The following EXPH5 variants were observed in gnomAD, a reference collection of about 807,000 sequenced individuals.
The protein encoded by EXPH5 is exophilin 5.
EXPH5 carries 42 observed loss-of-function variants against 41.1 expected under a neutral mutation model. The observed-to-expected ratio is 1.02, with a 90% CI of 0.80 to 1.32. EXPH5 has a LOEUF of 1.32. Ranked by LOEUF, EXPH5 falls within the 40% of genes most tolerant of loss-of-function variation. The probability of loss-of-function intolerance (pLI) is 0.00; values close to 1 mark genes in which losing one functional copy is unlikely to be tolerated. For synonymous variants in EXPH5, 798 were observed against 833.5 expected (o/e 0.96, Z 0.73); for missense variants, 2,298 against 2,314.5 (o/e 0.99, Z 0.15).
At chr11:108,528,728 TTTTG>T (rs1591694750) in intron 3 of EXPH5, among the ~76,000 whole-genome samples, 1 of 139,044 alleles carries the variant, frequency 7.2e-6, no homozygotes, top group East Asian at 2.1e-4. Context: ...TGAGATGGAG[TTTTG>T]CTCTTTGTCG....
In EXPH5 at chr11:108,506,051, T is replaced by C. The variant is rs1222193306; in HGVS notation, c.*3486A>G. 2 of 152,226 alleles carry C rather than the reference T, an allele frequency of 1.3e-5. No homozygotes were observed. The highest frequency in any genetic ancestry group is 2.9e-5 in the Non-Finnish European group (2 of 68,030). 9.4% of individuals were successfully genotyped at this position (152,226 alleles called of 1,614,324 possible). A position where few individuals can be genotyped will look rare whatever the true frequency, so the allele number is the denominator to read the frequency against. ...CTTTACAGTATAAAATTTATGGTTA[T>C]AGAAATCTAGTATCTAAACAAGTTT... is the stretch of plus-strand genomic sequence containing the variant. On this transcript the variant is annotated 3_prime_UTR_variant, in exon 6 of 6. Transcript: ENST00000265843.
intron 3 of EXPH5, among the ~76,000 whole-genome samples, chr11:108,532,123 A>T (rs2135996675): frequency 6.6e-6 from 1 of 150,390 alleles, no homozygotes; most frequent in Non-Finnish European, 1.5e-5. Context: ...GCCCTGTATG[A>T]TCTAGTTCCT....
In EXPH5 at chr11:108,509,489, C is replaced by T; in HGVS notation, c.*48G>A. The T allele has an allele frequency of 6.7e-7, 1 of 1,499,946 alleles. No individual in the cohort carries two copies. Among genetic ancestry groups the T allele is most frequent in the Non-Finnish European group, 8.9e-7 (1 of 1,120,288 alleles). 92.9% of individuals were successfully genotyped at this position (1,499,946 alleles called of 1,614,324 possible). On this transcript the variant is annotated 3_prime_UTR_variant, in exon 6 of 6. Coordinates refer to ENST00000265843, the MANE Select transcript of EXPH5 (RefSeq NM_015065.3). ...CACATGCACATGTACACCTTAGTTC[C>T]ATTATAAGCTTTTGGTGAAAAAAGT... is the stretch of plus-strand genomic sequence containing the variant.
At chr11:108,598,005 T>TA (rs147174512), upstream of EXPH5, among the ~76,000 whole-genome samples, 1,843 of 152,246 alleles carry the variant, frequency 0.012, 31 homozygotes, top group African/African-American at 0.041. Context: ...GCATAGAGGT[T>TA]AAAAAATAAA....
At chr11:108,549,251 C>T (rs1417679302) in intron 1 of EXPH5, among the ~76,000 whole-genome samples, 2 of 152,200 alleles carry the variant, frequency 1.3e-5, no homozygotes, top group Non-Finnish European at 2.9e-5. Context: ...CAGGTCTTTT[C>T]TTGCTAGGCC....
intron 1 of EXPH5, among the ~76,000 whole-genome samples, chr11:108,575,859 A>C (rs2094078015): frequency 6.6e-6 from 1 of 152,168 alleles, no homozygotes; most frequent in South Asian, 2.1e-4. Context: ...CTGTAGTTCC[A>C]GCTACTCGGG....
At chr11:108,541,926 G>T in intron 1 of EXPH5, 114 bp from the exon 2 acceptor site, 1 of 781,562 alleles carries the variant, frequency 1.3e-6, no homozygotes, top group Non-Finnish European at 2.0e-6. Flanking sequence ...TCACCAGGCT[G>T]GAGTGCAGTG....
At chr11:108,595,443 G>T (rs1371046199), upstream of EXPH5, among the ~76,000 whole-genome samples, 1 of 152,142 alleles carries the variant, frequency 6.6e-6, no homozygotes, top group East Asian at 1.9e-4. Context: ...TCTAGGCAAG[G>T]GGATCAGCGT....
intron 3 of EXPH5, among the ~76,000 whole-genome samples, chr11:108,529,261 G>A (rs2093820831): frequency 6.6e-6 from 1 of 152,150 alleles, no homozygotes. Flanking sequence ...TTTACTATTT[G>A]TGTTGCTTTC....
intron 1 of EXPH5, 152 bp from the exon 2 acceptor site, chr11:108,541,964 A>C: frequency 1.7e-6 from 1 of 587,536 alleles, no homozygotes; most frequent in Non-Finnish European, 2.9e-6. Context: ...TGCAACCTTC[A>C]CCTCCTGGGC....
chr11:108,594,571 A>T (rs982239155), upstream of EXPH5, among the ~76,000 whole-genome samples: 1 of 152,200 alleles, frequency 6.6e-6, no homozygotes, highest in African/African-American at 2.4e-5. Flanking sequence ...ACTTATAAAG[A>T]TATTCACATA....
At chr11:108,545,224 G>A (rs2093932263) in intron 1 of EXPH5, among the ~76,000 whole-genome samples, 1 of 152,096 alleles carries the variant, frequency 6.6e-6, no homozygotes, top group Non-Finnish European at 1.5e-5. Flanking sequence ...GACCAACCTG[G>A]GCAACATGGT....
At chr11:108,521,223 G>A (rs759273027) in intron 4 of EXPH5, among the ~76,000 whole-genome samples, 9 of 152,076 alleles carry the variant, frequency 5.9e-5, no homozygotes, top group Admixed American at 3.9e-4. Flanking sequence ...ACCACATGTC[G>A]ATCCTTTCCA....
At chr11:108,562,286 T>C (rs1414456608) in intron 1 of EXPH5, among the ~76,000 whole-genome samples, 1 of 95,264 alleles carries the variant, frequency 1.0e-5, no homozygotes, top group Non-Finnish European at 2.1e-5. Context: ...TTTTTTTTTG[T>C]AATTGTGAAA....
chr11:108,564,134 AT>A (rs1287764615), intron 1 of EXPH5, among the ~76,000 whole-genome samples: 6 of 151,918 alleles, frequency 3.9e-5, no homozygotes, highest in African/African-American at 1.5e-4. Flanking sequence ...ACAAAAAAAA[AT>A]AAATTAGCTG....
intron 3 of EXPH5, among the ~76,000 whole-genome samples, chr11:108,533,773 C>T (rs1221271133): frequency 6.6e-6 from 1 of 152,096 alleles, no homozygotes; most frequent in Non-Finnish European, 1.5e-5. Context: ...TTGCACCCTC[C>T]CCTCTTCAGT....
chr11:108,600,732 T>C, the EXPH5 span, among the ~76,000 whole-genome samples: 2 of 152,198 alleles, frequency 1.3e-5, no homozygotes, highest in Admixed American at 6.5e-5. Context: ...TTTGTTCTCA[T>C]ATATGGGGCG....
At chr11:108,593,005 G>A (rs758696146) in intron 1 of EXPH5, among the ~76,000 whole-genome samples, 2 of 152,224 alleles carry the variant, frequency 1.3e-5, no homozygotes, top group African/African-American at 4.8e-5. Context: ...CGAGCACGTG[G>A]GTGCGCGCGG....
intron 3 of EXPH5, among the ~76,000 whole-genome samples, chr11:108,534,686 G>A (rs1187884498): frequency 6.6e-6 from 1 of 152,164 alleles, no homozygotes; most frequent in Non-Finnish European, 1.5e-5. Context: ...TTTCCTGGCA[G>A]GAACATCATG....
Sources: gnomAD v4.1 joint callset for allele counts (sites outside exome capture counted in the v4.1 genomes callset) on GRCh38, gnomAD v4.1.1 for gene constraint, MANE v1.5 for transcripts, NCBI Gene and HGNC (gene_info 2026-07-23, HGNC 2026-07-21) for gene names.